SOCS6: variants seen among roughly 807,000 people sequenced by gnomAD.
SOCS6 encodes the protein suppressor of cytokine signaling 6.
In SOCS6, 5 loss-of-function variants were observed where a neutral mutation model predicts 27.7. The observed-to-expected ratio is 0.18, with a 90% CI of 0.09 to 0.38. The LOEUF is 0.38. SOCS6 is among the 10% of genes least tolerant of loss of function. SOCS6 has a pLI of 1.00. For synonymous variants in SOCS6, 271 were observed against 260.0 expected, an observed-to-expected ratio of 1.04 and a Z score of -0.41; for missense variants, 595 against 688.1, an observed-to-expected ratio of 0.86 and a Z score of 1.51.
intron 1 of SOCS6, among the ~76,000 whole-genome samples, chr18:70,303,672 A>T (rs1178276259): frequency 6.6e-6 from 1 of 152,084 alleles, no homozygotes; most frequent in African/African-American, 2.4e-5. Flanking sequence ...ATGTACTTGT[A>T]TTTCCAGCTA....
intron 1 of SOCS6, among the ~76,000 whole-genome samples, chr18:70,308,608 A>G (rs2062378454): frequency 6.6e-6 from 1 of 152,204 alleles, no homozygotes; most frequent in Middle Eastern, 3.2e-3. Context: ...TTGAAGTATT[A>G]TATACCTTGC....
intron 1 of SOCS6, among the ~76,000 whole-genome samples, chr18:70,304,453 T>C (rs2062360959): frequency 6.6e-6 from 1 of 152,254 alleles, no homozygotes; most frequent in Non-Finnish European, 1.5e-5. Context: ...CTGGTTTCTC[T>C]GCATCCCTCC....
At chr18:70,289,453 C>T (rs1210564049) in intron 1 of SOCS6, among the ~76,000 whole-genome samples, 1 of 147,150 alleles carries the variant, frequency 6.8e-6, no homozygotes, top group East Asian at 2.0e-4. Flanking sequence ...CCTCTTCGGC[C>T]GCGGCGCGCC....
At position 70,325,199 on chromosome 18, in the gene SOCS6, C is replaced by T. The variant is rs1282799491; in HGVS notation, c.531C>T (p.Asp177=). The T allele has an allele frequency of 7.4e-6, 12 of 1,614,172 alleles. No homozygotes were observed. Among genetic ancestry groups the T allele is most frequent in the Non-Finnish European group, 1.0e-5 (12 of 1,179,998 alleles). The part of the protein sequence containing the change: ...ALNGVRKDFH[D]LQSETTCQEQ... Reference sequence around the variant, plus strand: ...ATGGCGTCCGGAAGGATTTCCACGACCTCCAGTCTGAGACCACGTGCCAGG... The same window carrying T: ...ATGGCGTCCGGAAGGATTTCCACGATCTCCAGTCTGAGACCACGTGCCAGG... Residue 177 remains aspartate, a synonymous_variant, in exon 2 of 2, where the codon GAC becomes GAT. Coordinates refer to ENST00000397942, the MANE Select transcript of SOCS6 (RefSeq NM_004232.4). The surrounding 1 kb of genome is among the most constrained non-coding windows in gnomAD (Gnocchi z 6.3).
At chr18:70,306,992 G>T (rs2062372257) in intron 1 of SOCS6, among the ~76,000 whole-genome samples, 1 of 152,180 alleles carries the variant, frequency 6.6e-6, no homozygotes, top group Non-Finnish European at 1.5e-5. Flanking sequence ...GCCAAGCATG[G>T]TGGCTTACGC....
intron 1 of SOCS6, among the ~76,000 whole-genome samples, chr18:70,289,946 C>T (rs1170385194): frequency 6.6e-6 from 1 of 152,096 alleles, no homozygotes; most frequent in Non-Finnish European, 1.5e-5. Context: ...GGGATATGTG[C>T]AGTAGTGTGT....
chr18:70,308,482 A>C (rs761979070), intron 1 of SOCS6, among the ~76,000 whole-genome samples: 13 of 152,012 alleles, frequency 8.6e-5, no homozygotes, highest in Non-Finnish European at 1.5e-4. Context: ...TTTTCCTCCC[A>C]AAATTCTGGG....
chr18:70,310,464 TGG>T (rs202000406), intron 1 of SOCS6, among the ~76,000 whole-genome samples: 34 of 138,714 alleles, frequency 2.5e-4, no homozygotes, highest in African/African-American at 8.5e-4. Context: ...TAATTTTTTG[TGG>T]GGTTTTTTTT....
chr18:70,318,784 T>C (rs111948674), intron 1 of SOCS6, among the ~76,000 whole-genome samples: 3,649 of 151,870 alleles, frequency 0.024, 142 homozygotes, highest in African/African-American at 0.082. Flanking sequence ...AAAAATAGAA[T>C]AATTAGCCAG....
intron 1 of SOCS6, among the ~76,000 whole-genome samples, chr18:70,306,477 C>CAAAAAA (rs55702216): frequency 2.2e-5 from 2 of 92,662 alleles, no homozygotes; most frequent in Non-Finnish European, 4.2e-5. Flanking sequence ...GACTCCATCT[C>CAAAAAA]AAAAAAAAAA....
rs1911233088 is a variant in SOCS6, at chr18:70,326,974, G to GCCTTACAT, written c.*699_*706dup. 1 of 166,314 alleles carries GCCTTACAT rather than the reference G, an allele frequency of 6.0e-6. No homozygotes were observed. Among genetic ancestry groups the GCCTTACAT allele is most frequent in the Admixed American group, 6.5e-5 (1 of 15,270 alleles). The allele number at this position is 166,314 out of a possible 1,614,324, so 10.3% of individuals were successfully genotyped here. A position where few individuals can be genotyped will look rare whatever the true frequency, so the allele number is the denominator to read the frequency against. ...TCTAGTTTGTCTATTTTAATAAATG[G>GCCTTACAT]CCTTACATTAAAAAATTGTAAAGAA... On this transcript the variant is annotated 3_prime_UTR_variant, in exon 2 of 2. Transcript: ENST00000397942.
At chr18:70,317,576 C>G (rs1336174781) in intron 1 of SOCS6, among the ~76,000 whole-genome samples, 1 of 150,466 alleles carries the variant, frequency 6.6e-6, no homozygotes, top group African/African-American at 2.5e-5. Context: ...CACACACACA[C>G]ACACACCACA....
At chr18:70,292,806 C>T (rs1321720844) in intron 1 of SOCS6, among the ~76,000 whole-genome samples, 8 of 152,194 alleles carry the variant, frequency 5.3e-5, no homozygotes, top group South Asian at 4.1e-4. Flanking sequence ...CTTCCTGCTC[C>T]GCCACCTTTG....
Position 70,324,772 on chromosome 18 carries a change from A to G in SOCS6, c.104A>G (p.Asp35Gly), listed in dbSNP as rs1293855175. 1 of 1,614,046 alleles carries G rather than the reference A, an allele frequency of 6.2e-7. No individual in the cohort carries two copies. Among genetic ancestry groups the G allele is most frequent in the African/African-American group, 1.3e-5 (1 of 74,938 alleles). Residue 35 changes from aspartate to glycine, a missense_variant, in exon 2 of 2, where the codon GAC becomes GGC. This residue lies in a region of SOCS6 where 467 missense variants were observed against 481.1 expected (regional missense o/e 0.97). Coordinates refer to ENST00000397942, the MANE Select transcript of SOCS6 (RefSeq NM_004232.4). ...GTACAACAACCATCGCTAGCCAGTG[A>G]CTTTGGAAAAGATGATTCCTTATTT... ...MVVQQPSLAS[D>G]FGKDDSLFGS...
In SOCS6 at chr18:70,327,113, A is replaced by G. The variant is rs1351151373; in HGVS notation, c.*837A>G. The G allele has an allele frequency of 6.0e-6, 1 of 166,950 alleles. No homozygotes were observed. The highest frequency in any genetic ancestry group is 1.5e-5 in the Non-Finnish European group (1 of 68,086). 10.3% of individuals were successfully genotyped at this position (166,950 alleles called of 1,614,324 possible). A position where few individuals can be genotyped will look rare whatever the true frequency, so the allele number is the denominator to read the frequency against. On this transcript the variant is annotated 3_prime_UTR_variant, in exon 2 of 2. Transcript: ENST00000397942. ...ATTATTATTAAAGAAATATTAGATG[A>G]TCATAGCTTCCTGTGATAGCATTTT...
chr18:70,318,676 G>T (rs900030146), intron 1 of SOCS6, among the ~76,000 whole-genome samples: 3 of 151,712 alleles, frequency 2.0e-5, no homozygotes, highest in African/African-American at 4.8e-5. Context: ...GGTGGCTCAC[G>T]CCTGTAATCC....
chr18:70,305,383 GT>G (rs2062365148), intron 1 of SOCS6, among the ~76,000 whole-genome samples: 1 of 152,176 alleles, frequency 6.6e-6, no homozygotes, highest in Admixed American at 6.5e-5. Flanking sequence ...GTCTTGGGAC[GT>G]TTCTTGAAAA....
At chr18:70,322,273 G>T (rs1911019389) in intron 1 of SOCS6, among the ~76,000 whole-genome samples, 1 of 152,130 alleles carries the variant, frequency 6.6e-6, no homozygotes, top group Non-Finnish European at 1.5e-5. Context: ...CAGAAAAACA[G>T]ATACTCTTAA....
intron 1 of SOCS6, among the ~76,000 whole-genome samples, chr18:70,301,047 C>T (rs1186849634): frequency 2.0e-5 from 3 of 152,122 alleles, no homozygotes; most frequent in Non-Finnish European, 4.4e-5. Context: ...TGTTTGAATG[C>T]AGTTGCCGAG....
Sources: allele counts gnomAD v4.1 joint callset (sites outside exome capture counted in the v4.1 genomes callset), GRCh38; gene constraint gnomAD v4.1.1; regional missense constraint gnomAD v4.1.1; non-coding constraint Gnocchi (gnomAD v3.1); transcripts MANE v1.5; gene names NCBI Gene and HGNC (gene_info 2026-07-23, HGNC 2026-07-21).